TBX19: variants seen among roughly 807,000 people sequenced by gnomAD.
TBX19 encodes the protein T-box transcription factor TBX19.
TBX19 carries 33 observed loss-of-function variants against 40.9 expected under a neutral mutation model. The ratio of observed to expected loss-of-function variants is 0.81; its 90% CI spans 0.61 to 1.08. The LOEUF (loss-of-function observed/expected upper bound fraction) is 1.08. Among genes scored for constraint, TBX19 ranks in the 50% least tolerant of loss-of-function variants. TBX19 has a pLI of 0.00. For synonymous variants in TBX19, 220 were observed against 225.0 expected, an observed-to-expected ratio of 0.98 and a Z score of 0.20; for missense variants, 494 against 574.0, an observed-to-expected ratio of 0.86 and a Z score of 1.42.
intron 4 of TBX19, among the ~76,000 whole-genome samples, chr1:168,298,897 T>TTCTCTC (rs373554389): frequency 9.6e-6 from 1 of 103,914 alleles, no homozygotes; most frequent in African/African-American, 5.8e-5. Context: ...CTTTCTTTCT[T>TTCTCTC]TCTCTCTCTC....
intron 3 of TBX19, among the ~76,000 whole-genome samples, chr1:168,293,759 C>A (rs1027731830): frequency 6.6e-6 from 1 of 152,132 alleles, no homozygotes; most frequent in Non-Finnish European, 1.5e-5. Context: ...AGTTAGTCTG[C>A]TGCTGCCCAG....
At chr1:168,297,616 A>G (rs762213847) in intron 3 of TBX19, 108 bp from the exon 4 acceptor site, 5 of 983,906 alleles carry the variant, frequency 5.1e-6, no homozygotes, top group Non-Finnish European at 4.8e-6. Flanking sequence ...CTGGTGGGAA[A>G]GGGAAGGAAA....
intron 5 of TBX19, among the ~76,000 whole-genome samples, chr1:168,302,317 T>G (rs925665096): frequency 7.9e-5 from 12 of 152,208 alleles, no homozygotes; most frequent in Admixed American, 2.0e-4. Flanking sequence ...AATATGAACT[T>G]TGTACAATTT....
chr1:168,282,593 C>T (rs116753540), intron 1 of TBX19, among the ~76,000 whole-genome samples: 2,941 of 152,144 alleles, frequency 0.019, 93 homozygotes, highest in African/African-American at 0.066. Flanking sequence ...TTCTCTTGAC[C>T]TGTATTTACA....
chr1:168,311,182 A>G (rs912256722), intron 7 of TBX19, among the ~76,000 whole-genome samples: 2 of 152,010 alleles, frequency 1.3e-5, no homozygotes, highest in Non-Finnish European at 2.9e-5. Flanking sequence ...AAGATATTAA[A>G]CAATCATGTG....
intron 3 of TBX19, among the ~76,000 whole-genome samples, chr1:168,294,807 T>C (rs1229913885): frequency 1.3e-5 from 2 of 152,134 alleles, no homozygotes; most frequent in Non-Finnish European, 1.5e-5. Context: ...CGGCCCTTTA[T>C]TTTCTATTAT....
At chr1:168,289,628 C>T (rs1648889825) in intron 1 of TBX19, among the ~76,000 whole-genome samples, 1 of 152,154 alleles carries the variant, frequency 6.6e-6, no homozygotes, top group South Asian at 2.1e-4. Flanking sequence ...TTGAACACAC[C>T]AACACAGCCT....
chr1:168,300,335 G>A, intron 4 of TBX19, 87 bp from the exon 5 acceptor site: 1 of 1,199,966 alleles, frequency 8.3e-7, no homozygotes. Context: ...GAAATTGATT[G>A]CTCTTCAAGG....
At chr1:168,300,136 AG>A (rs1052508206) in intron 4 of TBX19, among the ~76,000 whole-genome samples, 17 of 152,212 alleles carry the variant, frequency 1.1e-4, no homozygotes, top group Non-Finnish European at 1.8e-4. Context: ...GAATCTTGTC[AG>A]TCAGGAGCAA....
At chr1:168,298,182 C>T (rs537434715) in intron 4 of TBX19, among the ~76,000 whole-genome samples, 164 of 152,108 alleles carry the variant, frequency 1.1e-3, no homozygotes, top group South Asian at 7.1e-3. Flanking sequence ...GGCGACAGAG[C>T]GAGACTCCGT....
At chr1:168,298,083 C>T (rs1331350135) in intron 4 of TBX19, among the ~76,000 whole-genome samples, 1 of 152,144 alleles carries the variant, frequency 6.6e-6, no homozygotes, top group Non-Finnish European at 1.5e-5. Flanking sequence ...GTAGTCCCAG[C>T]TACTCGGGAG....
chr1:168,294,499 A>T (rs1649051679), intron 3 of TBX19, among the ~76,000 whole-genome samples: 1 of 150,360 alleles, frequency 6.7e-6, no homozygotes, highest in South Asian at 2.1e-4. Flanking sequence ...ACGCCTGGCT[A>T]ATTTTTTTTT....
chr1:168,313,070 C>T lies in TBX19; in HGVS notation c.*68C>T. 1 of 1,581,752 alleles carries T rather than the reference C, an allele frequency of 6.3e-7. No homozygotes were observed. Among genetic ancestry groups the T allele is most frequent in the Non-Finnish European group, 8.7e-7 (1 of 1,152,504 alleles). On this transcript the variant is annotated 3_prime_UTR_variant, in exon 8 of 8. Transcript: ENST00000367821. ...GTAGAGTGCTTAGAAACCCCATCAACTGATCTAGTGAGTCAGACTGTGGAA... is the reference window on the plus strand; with the variant it reads ...GTAGAGTGCTTAGAAACCCCATCAATTGATCTAGTGAGTCAGACTGTGGAA...
chr1:168,304,946 C>G (rs1387604425), intron 5 of TBX19, 62 bp from the exon 6 acceptor site: 5 of 1,539,764 alleles, frequency 3.2e-6, no homozygotes, highest in Non-Finnish European at 4.5e-6. Flanking sequence ...TAGCTGGTCA[C>G]CTGATTTTTG....
intron 5 of TBX19, among the ~76,000 whole-genome samples, chr1:168,302,967 A>C (rs1383710638): frequency 6.6e-6 from 1 of 152,154 alleles, no homozygotes; most frequent in African/African-American, 2.4e-5. Flanking sequence ...TTTTATTTTA[A>C]TTAAGCCTGA....
intron 1 of TBX19, among the ~76,000 whole-genome samples, chr1:168,283,321 T>G (rs1437259100): frequency 6.6e-6 from 1 of 152,248 alleles, no homozygotes; most frequent in Non-Finnish European, 1.5e-5. Flanking sequence ...AGATGAAATC[T>G]TTTTCTTAAA....
At chr1:168,300,585 C>A in intron 5 of TBX19, 102 bp downstream of exon 5, 1 of 1,105,318 alleles carries the variant, frequency 9.0e-7, no homozygotes, top group Non-Finnish European at 1.4e-6. Flanking sequence ...TTAAGGACTT[C>A]CAAATCAAAA....
intron 3 of TBX19, 133 bp downstream of exon 3, chr1:168,293,411 C>T (rs1649005000): frequency 8.4e-7 from 1 of 1,192,314 alleles, no homozygotes; most frequent in East Asian, 2.6e-5. Flanking sequence ...TGGATACACT[C>T]AGCAGACATG....
intron 2 of TBX19, 66 bp from the exon 3 acceptor site, chr1:168,293,078 C>T: frequency 1.9e-6 from 3 of 1,603,338 alleles, no homozygotes; most frequent in Non-Finnish European, 2.6e-6. Flanking sequence ...GAGATGCTGG[C>T]TCCTTTATCA....
Sources: gnomAD v4.1 joint callset for allele counts (sites outside exome capture counted in the v4.1 genomes callset) on GRCh38, gnomAD v4.1.1 for gene constraint, MANE v1.5 for transcripts, NCBI Gene and HGNC (gene_info 2026-07-23, HGNC 2026-07-21) for gene names.